PRELP: variants seen among roughly 807,000 people sequenced by gnomAD.
PRELP encodes proline and arginine rich end leucine rich repeat protein.
PRELP carries 16 observed loss-of-function variants against 22.8 expected under a neutral mutation model. That is an observed-to-expected ratio of 0.70 (90% confidence interval 0.47 to 1.06). The LOEUF is 1.06. Ranked by LOEUF, PRELP falls within the 50% of genes least tolerant of loss-of-function variation. PRELP has a pLI of 0.00. For missense variants in PRELP, 434 were observed against 485.2 expected (o/e 0.89, Z 0.99); for synonymous variants, 233 against 211.4 (o/e 1.10, Z -0.89).
In PRELP at chr1:203,486,774, A is replaced by C. The variant is rs9439; in HGVS notation, c.1042A>C (p.Asn348His). 0.029 allele frequency: 46,914 copies of C among 1,614,022 alleles called. 783 individuals are homozygous for C. Among genetic ancestry groups the C allele is most frequent in the Non-Finnish European group, 0.035 (41,214 of 1,179,924 alleles). Residue 348 changes from asparagine (N) to histidine (H), a missense_variant, in exon 3 of 3, where the codon AAC becomes CAC. Physicochemically the swap from Asn to His is moderately conservative, Grantham distance 68. Transcript: ENST00000343110. ...CCATGACTTCTCCTCGGACCTGGAGAACGTGCCACACCTGCGCTACCTGCG... is the reference window on the plus strand; with the variant it reads ...CCATGACTTCTCCTCGGACCTGGAGCACGTGCCACACCTGCGCTACCTGCG... Reference protein sequence around the residue: ...AFHDFSSDLENVPHLRYLRLD... With the variant: ...AFHDFSSDLEHVPHLRYLRLD...
In PRELP at chr1:203,483,714, G is replaced by C. The variant is rs150848752; in HGVS notation, c.530G>C (p.Arg177Thr). The change falls in exon 2 of 3, where the codon AGG (arginine) becomes ACG (threonine). Residue 177 changes from arginine (R) to threonine (T), a missense_variant. Transcript: ENST00000343110. This position sits in a 1 kb window ranked among gnomAD's most constrained non-coding sequence, Gnocchi z 4.4. ...CTGCCCCGGAACCTGGAGCAGCTGA[G>C]GCTGAGCCAGAACCACATCTCCAGA... ...SALPRNLEQL[R>T]LSQNHISRIP... 167 of 1,614,126 alleles carry C rather than the reference G, an allele frequency of 1.0e-4. No individual in the cohort carries two copies. Among genetic ancestry groups the C allele is most frequent in the Non-Finnish European group, 1.4e-4 (160 of 1,180,058 alleles).
At chr1:203,477,958 A>G (rs1660940757) in intron 1 of PRELP, among the ~76,000 whole-genome samples, 1 of 152,094 alleles carries the variant, frequency 6.6e-6, no homozygotes, top group Admixed American at 6.6e-5. Context: ...AAAGGGGAGG[A>G]AGTTGCTCTG....
At position 203,483,745 on chromosome 1, in the gene PRELP, G is replaced by A. The variant is rs531394874; in HGVS notation, c.561G>A (p.Pro187=). Residue 187 remains proline, a synonymous_variant, in exon 2 of 3, where the codon CCG becomes CCA. Transcript: ENST00000343110. This position sits in a 1 kb window ranked among gnomAD's most constrained non-coding sequence, Gnocchi z 4.4. ...GCCAGAACCACATCTCCAGAATCCC[G>A]CCTGGTGTCTTCAGCAAGCTGGAGA... The part of the protein sequence containing the change: ...RLSQNHISRI[P]PGVFSKLENL... The A allele has an allele frequency of 2.7e-5, 43 of 1,614,158 alleles. No homozygotes were observed. The South Asian group carries it at 3.1e-4, about 12-fold the overall frequency.
intron 1 of PRELP, among the ~76,000 whole-genome samples, chr1:203,482,695 T>TCA (rs1387710055): frequency 7.1e-6 from 1 of 141,714 alleles, no homozygotes; most frequent in East Asian, 2.3e-4. Context: ...CCTCCCGGGT[T>TCA]CACGCCATTC....
At chr1:203,485,033 G>A (rs1475387179) in intron 2 of PRELP, among the ~76,000 whole-genome samples, 1 of 152,084 alleles carries the variant, frequency 6.6e-6, no homozygotes. Flanking sequence ...GATATTTGGG[G>A]ATCCTTAGGT....
Position 203,488,863 on chromosome 1 carries a change from A to G in PRELP, c.*1982A>G, listed in dbSNP as rs1379299530. 6.6e-6 allele frequency: 1 copy of G among 152,232 alleles called. No homozygotes were observed. Among genetic ancestry groups the G allele is most frequent in the Admixed American group, 6.5e-5 (1 of 15,282 alleles). The allele number at this position is 152,232 out of a possible 1,614,324, so 9.4% of individuals were successfully genotyped here. A position where few individuals can be genotyped will look rare whatever the true frequency, so the allele number is the denominator to read the frequency against. ...GGGAGGCATAGAGGATGGATGTTCT[A>G]GAAATGAGTAAGACACAGTGCCCAC... On this transcript the variant is annotated 3_prime_UTR_variant, in exon 3 of 3. Coordinates refer to ENST00000343110, the MANE Select transcript of PRELP (RefSeq NM_002725.4).
rs571965575 is a variant in PRELP, at chr1:203,489,116, G to A, written c.*2235G>A. 1 of 152,736 alleles carries A rather than the reference G, an allele frequency of 6.5e-6. No homozygotes were observed. Among genetic ancestry groups the A allele is most frequent in the Non-Finnish European group, 1.5e-5 (1 of 68,032 alleles). 9.5% of individuals were successfully genotyped at this position (152,736 alleles called of 1,614,324 possible). A position where few individuals can be genotyped will look rare whatever the true frequency, so the allele number is the denominator to read the frequency against. On this transcript the variant is annotated 3_prime_UTR_variant, in exon 3 of 3. Transcript: ENST00000343110. Reference sequence around the variant, plus strand: ...CAAGGCTCCTGCTTAAAGTCCACACGTTATTATGGCCGAAAGCAACCTGGT... The same window carrying A: ...CAAGGCTCCTGCTTAAAGTCCACACATTATTATGGCCGAAAGCAACCTGGT...
intron 2 of PRELP, among the ~76,000 whole-genome samples, chr1:203,485,091 C>G (rs1661069549): frequency 6.7e-6 from 1 of 150,152 alleles, no homozygotes; most frequent in Non-Finnish European, 1.5e-5. Context: ...CTACCGACAC[C>G]AACAATGGGC....
rs1661120604 is a variant in PRELP at position 203,487,796 on chromosome 1, T to C, written c.*915T>C. 6.6e-6 allele frequency: 1 copy of C among 152,182 alleles called. No individual in the cohort carries two copies. Among genetic ancestry groups the C allele is most frequent in the South Asian group, 2.1e-4 (1 of 4,830 alleles). 9.4% of individuals were successfully genotyped at this position (152,182 alleles called of 1,614,324 possible). A position where few individuals can be genotyped will look rare whatever the true frequency, so the allele number is the denominator to read the frequency against. On this transcript the variant is annotated 3_prime_UTR_variant, in exon 3 of 3. Coordinates refer to ENST00000343110, the MANE Select transcript of PRELP (RefSeq NM_002725.4). Reference sequence around the variant, plus strand: ...GCCCCCGCCATCTGTTCTCCATCAGTGTGCGCGGCCCAGCCATTTCCACCC... The same window carrying C: ...GCCCCCGCCATCTGTTCTCCATCAGCGTGCGCGGCCCAGCCATTTCCACCC...
chr1:203,479,149 A>G (rs1186186835), intron 1 of PRELP, among the ~76,000 whole-genome samples: 1 of 152,150 alleles, frequency 6.6e-6, no homozygotes, highest in Non-Finnish European at 1.5e-5. Flanking sequence ...TCTGACAAGT[A>G]AGAAGAATGC....
At chr1:203,480,486 C>G (rs1214507166) in intron 1 of PRELP, among the ~76,000 whole-genome samples, 1 of 152,336 alleles carries the variant, frequency 6.6e-6, no homozygotes, top group East Asian at 1.9e-4. Flanking sequence ...GTCTGTCACA[C>G]AGATTCTGGT....
At chr1:203,481,390 C>T (rs1388021570) in intron 1 of PRELP, among the ~76,000 whole-genome samples, 3 of 152,180 alleles carry the variant, frequency 2.0e-5, no homozygotes, top group Non-Finnish European at 4.4e-5. Context: ...ATTCATAGTT[C>T]ACCAATTACA....
chr1:203,482,673 C>T (rs28630610), intron 1 of PRELP, among the ~76,000 whole-genome samples: 4,819 of 139,552 alleles, frequency 0.035, 269 homozygotes, highest in African/African-American at 0.12. Flanking sequence ...TCTCGGCTCA[C>T]TGCAAACTCC....
Position 203,486,867 on chromosome 1 carries a change from T to C in PRELP, c.1135T>C (p.Ser379Pro). The C allele has an allele frequency of 1.9e-6, 3 of 1,613,662 alleles. No homozygotes were observed. The highest frequency in any genetic ancestry group is 2.5e-6 in the Non-Finnish European group (3 of 1,179,726). ...CATGATGTGCTTCCGCCTCCTGCAG[T>C]CCGTGGTCATCTAGGCCCTACTCCG... is the stretch of plus-strand genomic sequence containing the variant. ...DLMMCFRLLQ[S>P]VVI Residue 379 changes from serine (S) to proline (P), a missense_variant, in exon 3 of 3, where the codon TCC (serine) becomes CCC (proline). By Grantham distance (74) the Ser-to-Pro change is moderately conservative (BLOSUM62 -1). Coordinates refer to ENST00000343110, the MANE Select transcript of PRELP (RefSeq NM_002725.4).
chr1:203,486,670 C>T (rs900866153), intron 2 of PRELP, 36 bp from the exon 3 acceptor site: 3 of 1,578,316 alleles, frequency 1.9e-6, no homozygotes, highest in Non-Finnish European at 2.6e-6. Context: ...CGCCAGCCTC[C>T]ACTCCCTTCT....
At chr1:203,479,373 T>C (rs943786699) in intron 1 of PRELP, among the ~76,000 whole-genome samples, 3 of 152,108 alleles carry the variant, frequency 2.0e-5, no homozygotes, top group Non-Finnish European at 4.4e-5. Context: ...ATTAAATTAA[T>C]GAGAGAGATA....
Position 203,483,978 on chromosome 1 carries a change from T to C in PRELP, c.794T>C (p.Phe265Ser). The C allele has an allele frequency of 6.2e-7, 1 of 1,614,204 alleles. No homozygotes were observed. The highest frequency in any genetic ancestry group is 8.5e-7 in the Non-Finnish European group (1 of 1,180,042). Residue 265 changes from phenylalanine to serine, a missense_variant, in exon 2 of 3, where the codon TTT becomes TCT. By Grantham distance (155) the Phe-to-Ser change is radical (BLOSUM62 -2). Transcript: ENST00000343110. The surrounding 1 kb of genome is among the most constrained non-coding windows in gnomAD (Gnocchi z 4.4). ...ETIPNGYFKSFPNLAFIRLNY... is the reference protein window; with the variant it reads ...ETIPNGYFKSSPNLAFIRLNY... ...ATCCCTAACGGATACTTCAAGAGCT[T>C]TCCCAATCTTGCCTTCATTCGGCTT...
intron 1 of PRELP, among the ~76,000 whole-genome samples, chr1:203,478,950 C>T (rs1030987996): frequency 1.3e-4 from 20 of 152,110 alleles, no homozygotes; most frequent in African/African-American, 4.6e-4. Context: ...TTCTGGACTA[C>T]AGGAAGAGAT....
rs1002003470 is a variant in PRELP, at chr1:203,488,502, A to C, written c.*1621A>C. The C allele has an allele frequency of 2.0e-5, 3 of 152,294 alleles. No homozygotes were observed. Among genetic ancestry groups the C allele is most frequent in the Non-Finnish European group, 2.9e-5 (2 of 68,090 alleles). 9.4% of individuals were successfully genotyped at this position (152,294 alleles called of 1,614,324 possible). On this transcript the variant is annotated 3_prime_UTR_variant, in exon 3 of 3. Coordinates refer to ENST00000343110, the MANE Select transcript of PRELP (RefSeq NM_002725.4). ...GCCACTGCACTCCAGCTTGGGCGAC[A>C]GAGTGAGACTCCGTCTCAAAAAAGA...
Sources: allele counts gnomAD v4.1 joint callset (sites outside exome capture counted in the v4.1 genomes callset), GRCh38; gene constraint gnomAD v4.1.1; non-coding constraint Gnocchi (gnomAD v3.1); transcripts MANE v1.5; gene names NCBI Gene and HGNC (gene_info 2026-07-23, HGNC 2026-07-21).